Variants in TMEM106B observed in about 807,000 individuals in gnomAD.
TMEM106B encodes the protein transmembrane protein 106B.
TMEM106B carries 15 observed loss-of-function variants against 31.1 expected under a neutral mutation model. That is an observed-to-expected ratio of 0.48 (90% CI 0.32 to 0.74). The LOEUF is 0.74. TMEM106B is among the 30% of genes least tolerant of loss of function. TMEM106B has a pLI of 0.03. For synonymous variants in TMEM106B, 126 were observed against 112.5 expected, an observed-to-expected ratio of 1.12 and a Z score of -0.76; for missense variants, 283 against 327.3, an observed-to-expected ratio of 0.86 and a Z score of 1.04.
chr7:12,222,411 A>G (rs972498259), intron 3 of TMEM106B, among the ~76,000 whole-genome samples: 1 of 152,220 alleles, frequency 6.6e-6, no homozygotes, highest in African/African-American at 2.4e-5. Context: ...TATGGCTACA[A>G]ACGTGGTATA....
At chr7:12,217,788 T>A (rs1235689844) in intron 2 of TMEM106B, among the ~76,000 whole-genome samples, 1 of 152,202 alleles carries the variant, frequency 6.6e-6, no homozygotes. Context: ...GACTATCTGA[T>A]ACCTTAATAG....
chr7:12,227,131 C>T (rs1313132662), intron 4 of TMEM106B, among the ~76,000 whole-genome samples: 1 of 152,002 alleles, frequency 6.6e-6, no homozygotes, highest in African/African-American at 2.4e-5. Flanking sequence ...TAAACTGAGA[C>T]AGACTGAACA....
intron 5 of TMEM106B, 72 bp downstream of exon 5, chr7:12,229,891 G>T: frequency 6.8e-7 from 1 of 1,465,214 alleles, no homozygotes; most frequent in Non-Finnish European, 9.2e-7. Flanking sequence ...TAACTTGAAG[G>T]AGGTGGGGGA....
intron 2 of TMEM106B, among the ~76,000 whole-genome samples, chr7:12,215,417 T>A (rs79260136): frequency 3.3e-5 from 5 of 151,042 alleles, no homozygotes; most frequent in Non-Finnish European, 5.9e-5. Flanking sequence ...TTTTTTTTTT[T>A]AAGAGATGAG....
chr7:12,213,651 G>T (rs945433723), intron 1 of TMEM106B, among the ~76,000 whole-genome samples: 2 of 152,122 alleles, frequency 1.3e-5, no homozygotes, highest in Non-Finnish European at 2.9e-5. Flanking sequence ...TCATAAGCAT[G>T]ATAGGACATC....
rs1782243036 is a variant in TMEM106B at position 12,241,888 on chromosome 7, T to C, written c.*9913T>C. The stretch of plus-strand genomic sequence containing the variant: ...CAACAGTGTGTAAAAGCTTCCTATT[T>C]CTCTACATTCTCTCCAGCATCTGTT... On this transcript the variant is annotated 3_prime_UTR_variant, in exon 8 of 8. Coordinates refer to ENST00000396668, the MANE Select transcript of TMEM106B (RefSeq NM_001134232.2). 1 of 152,186 alleles carries C rather than the reference T, an allele frequency of 6.6e-6. No individual in the cohort carries two copies. The highest frequency in any genetic ancestry group is 1.5e-5 in the Non-Finnish European group (1 of 68,032). The allele number at this position is 152,186 out of a possible 1,614,324, so 9.4% of individuals were successfully genotyped here. A position where few individuals can be genotyped will look rare whatever the true frequency, so the allele number is the denominator to read the frequency against.
chr7:12,237,258 TTA>T lies in TMEM106B; in HGVS notation c.*5285_*5286del, dbSNP rs1782156818. ...GCATGAAAAATAAAATTTGTATCAC[TTA>T]TGTATTTTGGCTATGCTTTTGAAAT... is the stretch of plus-strand genomic sequence containing the variant. On this transcript the variant is annotated 3_prime_UTR_variant, in exon 8 of 8. Transcript: ENST00000396668. 2 of 152,286 alleles carry T rather than the reference TTA, an allele frequency of 1.3e-5. No individual in the cohort carries two copies. The highest frequency in any genetic ancestry group is 4.1e-4 in the South Asian group (2 of 4,822). 9.4% of individuals were successfully genotyped at this position (152,286 alleles called of 1,614,324 possible).
intron 4 of TMEM106B, among the ~76,000 whole-genome samples, chr7:12,229,288 C>T (rs13233991): frequency 0.056 from 8,559 of 152,192 alleles, 333 homozygotes; most frequent in Middle Eastern, 0.11. Flanking sequence ...CCCATTTCTT[C>T]TTCATAGTGA....
chr7:12,213,066 C>G (rs1422129527), intron 1 of TMEM106B, among the ~76,000 whole-genome samples: 1 of 151,986 alleles, frequency 6.6e-6, no homozygotes, highest in African/African-American at 2.4e-5. Context: ...AGGGTATGAC[C>G]TTAAGTATAA....
rs574511016 is a variant in TMEM106B, at chr7:12,235,976, G to A, written c.*4001G>A. The A allele has an allele frequency of 1.5e-5, 2 of 131,316 alleles. No homozygotes were observed. Among genetic ancestry groups the A allele is most frequent in the South Asian group, 5.5e-4 (2 of 3,652 alleles). The allele number at this position is 131,316 out of a possible 1,614,324, so 8.1% of individuals were successfully genotyped here. A position where few individuals can be genotyped will look rare whatever the true frequency, so the allele number is the denominator to read the frequency against. Reference sequence around the variant, plus strand: ...CTCTTTTTTATAAAATCGGGTTTCAGATGAGATGTTTATCTTAGACTATTT... The same window carrying A: ...CTCTTTTTTATAAAATCGGGTTTCAAATGAGATGTTTATCTTAGACTATTT... On this transcript the variant is annotated 3_prime_UTR_variant, in exon 8 of 8. Coordinates refer to ENST00000396668, the MANE Select transcript of TMEM106B (RefSeq NM_001134232.2).
chr7:12,218,569 T>G, intron 3 of TMEM106B, 48 bp downstream of exon 3: 2 of 1,500,104 alleles, frequency 1.3e-6, no homozygotes, highest in Non-Finnish European at 1.8e-6. Context: ...TATTTTTGTT[T>G]TTTGTATTTT....
intron 3 of TMEM106B, among the ~76,000 whole-genome samples, chr7:12,219,608 A>G (rs1223720597): frequency 6.6e-6 from 1 of 152,202 alleles, no homozygotes; most frequent in African/African-American, 2.4e-5. Context: ...TAAGGCAGAA[A>G]TTGAGAAGCT....
chr7:12,215,625 C>T, intron 2 of TMEM106B: 1 of 376,434 alleles, frequency 2.7e-6, no homozygotes, highest in Non-Finnish European at 5.6e-6. Flanking sequence ...CCCATGTTTC[C>T]CAGGATGATG....
chr7:12,230,117 C>A (rs1583220444), intron 5 of TMEM106B, among the ~76,000 whole-genome samples: 1 of 152,072 alleles, frequency 6.6e-6, no homozygotes, highest in African/African-American at 2.4e-5. Context: ...ACTGGGGAGG[C>A]TGAGGTGGGA....
intron 4 of TMEM106B, among the ~76,000 whole-genome samples, chr7:12,225,071 A>C (rs1042362301): frequency 1.3e-5 from 2 of 151,906 alleles, no homozygotes; most frequent in East Asian, 3.9e-4. Context: ...CCTGTATCCA[A>C]GTATTCTCAT....
chr7:12,217,922 C>T (rs1331229435), intron 2 of TMEM106B, among the ~76,000 whole-genome samples: 1 of 152,018 alleles, frequency 6.6e-6, no homozygotes, highest in African/African-American at 2.4e-5. Flanking sequence ...GTGACTTTAA[C>T]ATGGATTGGG....
At position 12,237,816 on chromosome 7, in the gene TMEM106B, T is replaced by TACACACATACAC. The variant is rs1491142924; in HGVS notation, c.*5848_*5849insTACACACACACA. 8.0e-6 allele frequency: 1 copy of TACACACATACAC among 124,750 alleles called. No homozygotes were observed. Among genetic ancestry groups the TACACACATACAC allele is most frequent in the East Asian group, 2.3e-4 (1 of 4,318 alleles). The allele number at this position is 124,750 out of a possible 1,614,324, so 7.7% of individuals were successfully genotyped here. ...CGAGACCCCATATAAAATATATACA[T>TACACACATACAC]ACACACACACACACACACACACACA... On this transcript the variant is annotated 3_prime_UTR_variant, in exon 8 of 8. Coordinates refer to ENST00000396668, the MANE Select transcript of TMEM106B (RefSeq NM_001134232.2).
chr7:12,222,570 A>G (rs751114994), intron 3 of TMEM106B, among the ~76,000 whole-genome samples: 8 of 152,232 alleles, frequency 5.3e-5, no homozygotes, highest in Non-Finnish European at 1.2e-4. Flanking sequence ...AGATTTTATT[A>G]TGATGATGTT....
At chr7:12,211,899 AACTGAGTCTGATATCCATGTTG>A (rs1781585701) in intron 1 of TMEM106B, among the ~76,000 whole-genome samples, 1 of 152,200 alleles carries the variant, frequency 6.6e-6, no homozygotes, top group African/African-American at 2.4e-5. Context: ...TTTCTCTCCA[AACTGAGTCTGATATCCATGTTG>A]ACTTTCAGTA....
Sources: allele counts gnomAD v4.1 joint callset (sites outside exome capture counted in the v4.1 genomes callset), GRCh38; gene constraint gnomAD v4.1.1; transcripts MANE v1.5; gene names NCBI Gene and HGNC (gene_info 2026-07-23, HGNC 2026-07-21).